The following KSR1 variants were observed in gnomAD, a reference collection of about 807,000 sequenced individuals.
KSR1 encodes the protein kinase suppressor of ras 1.
In KSR1, 35 loss-of-function variants were observed where a neutral mutation model predicts 92.9. That is an observed-to-expected ratio of 0.38 (90% CI 0.29 to 0.50). The LOEUF is 0.50. Among genes scored for constraint, KSR1 ranks in the 20% least tolerant of loss-of-function variants. The pLI, the probability that KSR1 is intolerant of heterozygous loss-of-function variation, is 0.94. For synonymous variants in KSR1, 467 were observed against 472.6 expected, an observed-to-expected ratio of 0.99 and a Z score of 0.15; for missense variants, 972 against 1,158.5, an observed-to-expected ratio of 0.84 and a Z score of 2.34.
chr17:27,500,468 C>T lies in KSR1; in HGVS notation c.231+43594C>T, dbSNP rs575074201. ...ATGGAGGTGTGGTAGCCAGCAAGGA[C>T]AAGGACACCTTGGGCCATAGCAATA... On this transcript the variant is annotated intron_variant, in intron 1 of 20. Transcript: ENST00000644974. 6.6e-5 allele frequency among the ~76,000 whole-genome samples: 10 copies of T among 152,264 alleles called. No individual in the cohort carries two copies. In the East Asian group the frequency reaches 1.9e-3, roughly 29 times the overall value.
intron 1 of KSR1, among the ~76,000 whole-genome samples, chr17:27,545,577 G>A (rs1446446850): frequency 6.6e-6 from 1 of 152,184 alleles, no homozygotes; most frequent in Non-Finnish European, 1.5e-5. Context: ...GGCTCCTGAG[G>A]TCTGCTGGTG....
chr17:27,558,712 T>C (rs562680789), intron 2 of KSR1, among the ~76,000 whole-genome samples: 2 of 152,114 alleles, frequency 1.3e-5, no homozygotes, highest in Admixed American at 6.5e-5. Context: ...TGTTTTTTTT[T>C]TTTTTCTTTG....
intron 1 of KSR1, among the ~76,000 whole-genome samples, chr17:27,535,507 C>G (rs1430443241): frequency 1.3e-5 from 2 of 152,170 alleles, no homozygotes; most frequent in Non-Finnish European, 2.9e-5. Flanking sequence ...CTGATCTGCC[C>G]TAATGCATAG....
At chr17:27,546,820 G>A (rs955771110) in intron 1 of KSR1, among the ~76,000 whole-genome samples, 5 of 152,160 alleles carry the variant, frequency 3.3e-5, no homozygotes, top group African/African-American at 9.7e-5. Context: ...GCTCACTCGT[G>A]TGTCTACGGT....
chr17:27,626,330 T>A lies in KSR1; in HGVS notation c.*2938T>A, dbSNP rs1008798571. On this transcript the variant is annotated 3_prime_UTR_variant, in exon 21 of 21. Coordinates refer to ENST00000644974, the MANE Select transcript of KSR1 (RefSeq NM_001394583.1). ...TAATTTAAATTAAAATGGTTAGTATTAACAAACATGCTGTATCGGGTTTTT... is the reference window on the plus strand; with the variant it reads ...TAATTTAAATTAAAATGGTTAGTATAAACAAACATGCTGTATCGGGTTTTT... 1 of 152,250 alleles carries A rather than the reference T, an allele frequency of 6.6e-6. No individual in the cohort carries two copies. Among genetic ancestry groups the A allele is most frequent in the Non-Finnish European group, 1.5e-5 (1 of 68,054 alleles). The allele number at this position is 152,250 out of a possible 1,614,324, so 9.4% of individuals were successfully genotyped here.
intron 10 of KSR1, among the ~76,000 whole-genome samples, chr17:27,599,836 A>G (rs146673398): frequency 3.9e-5 from 6 of 152,098 alleles, no homozygotes; most frequent in Admixed American, 3.3e-4. Context: ...TTGAATTTTT[A>G]TAAGCTTTTT....
chr17:27,591,019 G>A, intron 7 of KSR1, 125 bp downstream of exon 7: 1 of 773,530 alleles, frequency 1.3e-6, no homozygotes, highest in Non-Finnish European at 2.1e-6. Context: ...GGTCTCTTCA[G>A]GGAGACTAAG....
intron 1 of KSR1, among the ~76,000 whole-genome samples, chr17:27,457,859 C>T (rs903812305): frequency 3.3e-5 from 5 of 152,064 alleles, no homozygotes; most frequent in African/African-American, 1.2e-4. Context: ...TCCTGCAGGT[C>T]TGGGGATGTT....
At chr17:27,548,814 G>A (rs964457369) in intron 1 of KSR1, among the ~76,000 whole-genome samples, 4 of 148,936 alleles carry the variant, frequency 2.7e-5, no homozygotes, top group Non-Finnish European at 6.0e-5. Flanking sequence ...TGCCAGCCTT[G>A]GTGACCATCT....
intron 1 of KSR1, among the ~76,000 whole-genome samples, chr17:27,533,103 C>A (rs145617158): frequency 8.5e-5 from 13 of 152,270 alleles, no homozygotes; most frequent in African/African-American, 3.1e-4. Flanking sequence ...AGTAATGTAG[C>A]CCATGGTTAA....
At position 27,605,568 on chromosome 17, in the gene KSR1, G is replaced by A. The variant is rs1390478945; in HGVS notation, c.1749G>A (p.Glu583=). 2 of 1,596,672 alleles carry A rather than the reference G, an allele frequency of 1.3e-6. No individual in the cohort carries two copies. Among genetic ancestry groups the A allele is most frequent in the South Asian group, 1.1e-5 (1 of 88,338 alleles). The change falls in exon 14 of 21, where the codon GAG becomes GAA. Residue 583 remains glutamate (E), a synonymous_variant. Transcript: ENST00000644974. ...GCCAGACCAGCGTGTACCTGCAGGA[G>A]TGGGACATCCCCTTCGAGCAGGTAG... ...KASQTSVYLQ[E]WDIPFEQVEL...
At chr17:27,535,017 G>T (rs1288250016) in intron 1 of KSR1, among the ~76,000 whole-genome samples, 2 of 152,196 alleles carry the variant, frequency 1.3e-5, no homozygotes, top group Admixed American at 6.5e-5. Flanking sequence ...GGATGTCCTT[G>T]TCAGGGCTTT....
intron 1 of KSR1, among the ~76,000 whole-genome samples, chr17:27,490,632 G>A (rs923041228): frequency 3.9e-5 from 6 of 152,174 alleles, no homozygotes; most frequent in Non-Finnish European, 5.9e-5. Flanking sequence ...GGTCCAGGGA[G>A]CAGTTTGCAA....
intron 1 of KSR1, 131 bp downstream of exon 1, chr17:27,457,005 C>T (rs1462774626): frequency 1.8e-5 from 12 of 656,394 alleles, no homozygotes; most frequent in Non-Finnish European, 3.0e-5. Flanking sequence ...CTCCCTCCTG[C>T]ACTCGCTGAT....
intron 2 of KSR1, among the ~76,000 whole-genome samples, chr17:27,554,932 G>A (rs1259642562): frequency 6.6e-6 from 1 of 152,200 alleles, no homozygotes; most frequent in Non-Finnish European, 1.5e-5. Context: ...CCCTCACCCA[G>A]TTTCCCCATC....
At chr17:27,466,639 T>G (rs2019713978) in intron 1 of KSR1, among the ~76,000 whole-genome samples, 1 of 152,122 alleles carries the variant, frequency 6.6e-6, no homozygotes, top group Admixed American at 6.5e-5. Context: ...GCAGGGGGTT[T>G]GGGGGAGAGG....
chr17:27,458,739 C>G (rs1225030534), intron 1 of KSR1, among the ~76,000 whole-genome samples: 1 of 152,134 alleles, frequency 6.6e-6, no homozygotes, highest in East Asian at 1.9e-4. Context: ...CGGGTTCACT[C>G]CACTTCCTGA....
intron 1 of KSR1, among the ~76,000 whole-genome samples, chr17:27,538,935 A>G (rs547522115): frequency 3.9e-5 from 6 of 152,260 alleles, no homozygotes; most frequent in Middle Eastern, 3.4e-3. Flanking sequence ...AAAGCCCTCT[A>G]TCTTTCCAGC....
At position 27,547,831 on chromosome 17, in the gene KSR1, G is replaced by A. The variant is rs559212171; in HGVS notation, c.232-2737G>A. ...GGGTTCAAGTGATTCTCCTGCCTCAGCCTCCCGAGTAGCTGGGATTACCGG... is the reference window on the plus strand; with the variant it reads ...GGGTTCAAGTGATTCTCCTGCCTCAACCTCCCGAGTAGCTGGGATTACCGG... On this transcript the variant is annotated intron_variant, in intron 1 of 20. Coordinates refer to ENST00000644974, the MANE Select transcript of KSR1 (RefSeq NM_001394583.1). 5.3e-5 allele frequency among the ~76,000 whole-genome samples: 8 copies of A among 152,242 alleles called. No homozygotes were observed. The East Asian group carries it at 1.4e-3, about 26-fold the overall frequency.
Sources: gnomAD v4.1 joint callset for allele counts (sites outside exome capture counted in the v4.1 genomes callset) on GRCh38, gnomAD v4.1.1 for gene constraint, MANE v1.5 for transcripts, NCBI Gene and HGNC (gene_info 2026-07-23, HGNC 2026-07-21) for gene names.